Variants in VPS41 observed in about 807,000 individuals in gnomAD.
VPS41 encodes VPS41 subunit of HOPS complex, also known as vacuolar protein sorting-associated protein 41 homolog.
VPS41 carries 85 observed loss-of-function variants against 130.9 expected under a neutral mutation model. The ratio of observed to expected loss-of-function variants is 0.65; its 90% confidence interval spans 0.55 to 0.78. The LOEUF (loss-of-function observed/expected upper bound fraction) is 0.78. VPS41 is among the 30% of genes least tolerant of loss of function. VPS41 has a pLI of 0.00. For synonymous variants in VPS41, 335 were observed against 332.9 expected (o/e 1.01, Z -0.07); for missense variants, 874 against 1,018.7 (o/e 0.86, Z 1.93).
chr7:38,760,396 T>C (rs1783886063), intron 17 of VPS41, among the ~76,000 whole-genome samples: 1 of 152,190 alleles, frequency 6.6e-6, no homozygotes, highest in Non-Finnish European at 1.5e-5. Flanking sequence ...TCATTTCACA[T>C]GCTTCCTTTA....
intron 12 of VPS41, 103 bp downstream of exon 12, chr7:38,774,012 A>C: frequency 8.4e-7 from 1 of 1,197,370 alleles, no homozygotes; most frequent in Middle Eastern, 2.5e-4. Context: ...TATTCTCTTA[A>C]GATTCTTTCA....
intron 2 of VPS41, among the ~76,000 whole-genome samples, chr7:38,882,894 CAGAGTGATCCTACTAAAACAA>C (rs1475682163): frequency 2.0e-5 from 3 of 152,140 alleles, no homozygotes; most frequent in African/African-American, 7.2e-5. Context: ...AAACAGCATC[CAGAGTGATCCTACTAAAACAA>C]AGACTCTCCA....
Position 38,734,143 on chromosome 7 carries a change from C to T in VPS41, c.2260-5352G>A, listed in dbSNP as rs375284463. On this transcript the variant is annotated intron_variant, in intron 25 of 28. Transcript: ENST00000310301. ...ATAAACCAGTCTTTTCTTTCCTCAA[C>T]TTCATAATGGTATTAATTTTCATCT... 2.3e-4 allele frequency among the ~76,000 whole-genome samples: 35 copies of T among 152,272 alleles called. No homozygotes were observed. In the East Asian group the frequency reaches 5.8e-3, roughly 25 times the overall value.
chr7:38,893,014 C>T lies in VPS41; in HGVS notation c.60+5077G>A, dbSNP rs560933233. Among the ~76,000 whole-genome samples, 12 of 152,286 alleles carry T rather than the reference C, an allele frequency of 7.9e-5. No homozygotes were observed. The South Asian group carries it at 2.1e-3, about 26-fold the overall frequency. On this transcript the variant is annotated intron_variant, in intron 2 of 28. Coordinates refer to ENST00000310301, the MANE Select transcript of VPS41 (RefSeq NM_014396.4). The stretch of plus-strand genomic sequence containing the variant: ...TATGGGGACTTCCATGAGAACCACG[C>T]AAATGGTCTTCCTGCTATCATCTCT...
In VPS41 at chr7:38,723,556, T is replaced by G. The variant is rs527886304; in HGVS notation, c.*2690A>C. On this transcript the variant is annotated 3_prime_UTR_variant, in exon 29 of 29. Transcript: ENST00000310301. ...TTGGGCAACATGGTGAAACCTCATCTCTACCAAAGTACAAAAAATTAGCTG... is the reference window on the plus strand; with the variant it reads ...TTGGGCAACATGGTGAAACCTCATCGCTACCAAAGTACAAAAAATTAGCTG... 6.7e-6 allele frequency: 1 copy of G among 150,018 alleles called. No homozygotes were observed. The highest frequency in any genetic ancestry group is 6.7e-5 in the Admixed American group (1 of 15,016). 9.3% of individuals were successfully genotyped at this position (150,018 alleles called of 1,614,324 possible).
rs140621831 is a variant in VPS41, at chr7:38,810,802, T to C, written c.450+7015A>G. Among the ~76,000 whole-genome samples the C allele has an allele frequency of 5.5e-3, 835 of 152,294 alleles. 7 individuals carry two copies. The highest frequency in any genetic ancestry group is 0.018 in the African/African-American group (756 of 41,584). On this transcript the variant is annotated intron_variant, in intron 7 of 28. Coordinates refer to ENST00000310301, the MANE Select transcript of VPS41 (RefSeq NM_014396.4). The stretch of plus-strand genomic sequence containing the variant: ...GTCTTTATTCTCTTTTCCCCCTATG[T>C]GATCTGCCACCTGTTCTCAACAGAG...
intron 10 of VPS41, among the ~76,000 whole-genome samples, chr7:38,780,656 T>C (rs1784339400): frequency 6.6e-6 from 1 of 152,148 alleles, no homozygotes; most frequent in Non-Finnish European, 1.5e-5. Flanking sequence ...GGAAATATAA[T>C]GTGGGCCAAA....
chr7:38,726,400 G>A, intron 28 of VPS41, 74 bp from the exon 29 acceptor site: 2 of 1,159,962 alleles, frequency 1.7e-6, no homozygotes, highest in South Asian at 2.6e-5. Flanking sequence ...GAAACACTAA[G>A]GTAGCGTTAG....
chr7:38,737,043 T>C (rs1221966074), intron 25 of VPS41, among the ~76,000 whole-genome samples: 1 of 152,098 alleles, frequency 6.6e-6, no homozygotes, highest in Non-Finnish European at 1.5e-5. Context: ...CTCCCTTAGA[T>C]TGGTAGCTGG....
At chr7:38,773,433 C>T (rs58040960) in intron 12 of VPS41, among the ~76,000 whole-genome samples, 1 of 152,106 alleles carries the variant, frequency 6.6e-6, no homozygotes, top group Non-Finnish European at 1.5e-5. Context: ...AATATTTCTT[C>T]ATTTCCTTTG....
chr7:38,789,802 T>G lies in VPS41; in HGVS notation c.783A>C (p.Ile261=). 4.3e-6 allele frequency: 7 copies of G among 1,613,620 alleles called. No individual in the cohort carries two copies. Among genetic ancestry groups the G allele is most frequent in the Non-Finnish European group, 5.9e-6 (7 of 1,179,618 alleles). ...MRDLPSRYVE[I]VSQFETEFYI... is the part of the protein sequence containing the mutation. ...AGAAGGCAAGTGTTGGAGCCATACC[T>G]ATTTCAACATATCGACTTGGCAAAT... is the stretch of plus-strand genomic sequence containing the variant. The change falls in exon 10 of 29, where the codon ATA becomes ATC. Residue 261 remains isoleucine (I), a splice_region_variant and synonymous_variant. Coordinates refer to ENST00000310301, the MANE Select transcript of VPS41 (RefSeq NM_014396.4).
At chr7:38,761,310 C>G (rs558327777) in intron 17 of VPS41, among the ~76,000 whole-genome samples, 1 of 120,108 alleles carries the variant, frequency 8.3e-6, no homozygotes, top group African/African-American at 3.1e-5. Flanking sequence ...GTGTTTCGCT[C>G]TGTCGCCCAG....
At chr7:38,732,256 T>A (rs1052309803) in intron 25 of VPS41, among the ~76,000 whole-genome samples, 2 of 152,196 alleles carry the variant, frequency 1.3e-5, no homozygotes, top group Non-Finnish European at 2.9e-5. Context: ...CAAAGGACAT[T>A]CTTGTACAGA....
rs966403552 is a variant in VPS41, at chr7:38,778,485, T to C, written c.785-1709A>G. 3.9e-5 allele frequency among the ~76,000 whole-genome samples: 6 copies of C among 152,206 alleles called. No homozygotes were observed. The South Asian group carries it at 6.2e-4, about 16-fold the overall frequency. On this transcript the variant is annotated intron_variant, in intron 10 of 28. Transcript: ENST00000310301. Reference sequence around the variant, plus strand: ...CAGTATGGGGCCACAAAGGACCCAGTGATGAAAGAGATGGCAGTTTCACAT... The same window carrying C: ...CAGTATGGGGCCACAAAGGACCCAGCGATGAAAGAGATGGCAGTTTCACAT...
At chr7:38,780,626 C>T (rs1784338965) in intron 10 of VPS41, among the ~76,000 whole-genome samples, 1 of 151,998 alleles carries the variant, frequency 6.6e-6, no homozygotes, top group Admixed American at 6.6e-5. Flanking sequence ...GGCTAGAGGC[C>T]CCTTGATTAG....
intron 22 of VPS41, among the ~76,000 whole-genome samples, chr7:38,746,431 A>G (rs1795986275): frequency 6.6e-6 from 1 of 152,182 alleles, no homozygotes; most frequent in African/African-American, 2.4e-5. Flanking sequence ...GAAAACAAAG[A>G]AGAGAATAAT....
At chr7:38,828,408 G>C (rs866594732) in intron 5 of VPS41, among the ~76,000 whole-genome samples, 2 of 151,994 alleles carry the variant, frequency 1.3e-5, no homozygotes, top group African/African-American at 4.8e-5. Flanking sequence ...AAATATCAAA[G>C]GTTATCCTTG....
At chr7:38,906,387 C>T (rs1356131486) in intron 1 of VPS41, among the ~76,000 whole-genome samples, 3 of 151,800 alleles carry the variant, frequency 2.0e-5, no homozygotes, top group Admixed American at 6.6e-5. Context: ...CTCTGTTGCC[C>T]AGACTGAAGT....
chr7:38,873,238 T>G (rs1305166207), intron 2 of VPS41, among the ~76,000 whole-genome samples: 7 of 152,136 alleles, frequency 4.6e-5, no homozygotes, highest in Admixed American at 4.6e-4. Flanking sequence ...TTCTGACGGG[T>G]ATCTTTTATG....
Sources: allele counts gnomAD v4.1 joint callset (sites outside exome capture counted in the v4.1 genomes callset), GRCh38; gene constraint gnomAD v4.1.1; transcripts MANE v1.5; gene names NCBI Gene and HGNC (gene_info 2026-07-23, HGNC 2026-07-21).